RPRD1A: variants seen among roughly 807,000 people sequenced by gnomAD.
RPRD1A encodes the protein regulation of nuclear pre-mRNA domain containing 1A.
Under a neutral mutation model 37.8 loss-of-function variants are expected in RPRD1A, and 9 were observed. The ratio of observed to expected loss-of-function variants is 0.24; its 90% CI spans 0.14 to 0.42. The LOEUF (loss-of-function observed/expected upper bound fraction) is 0.42, where lower values mean the gene tolerates loss of function less well. Ranked by LOEUF, RPRD1A falls within the 10% of genes least tolerant of loss-of-function variation. The probability of loss-of-function intolerance (pLI) is 1.00; values close to 1 mark genes in which losing one functional copy is unlikely to be tolerated. For synonymous variants in RPRD1A, 138 were observed against 139.7 expected, an observed-to-expected ratio of 0.99 and a Z score of 0.08; for missense variants, 255 against 371.0, an observed-to-expected ratio of 0.69 and a Z score of 2.57.
intron 1 of RPRD1A, among the ~76,000 whole-genome samples, chr18:36,055,590 A>C (rs1323182725): frequency 6.6e-6 from 1 of 152,198 alleles, no homozygotes; most frequent in African/African-American, 2.4e-5. Context: ...TCTCAGCCTG[A>C]CATTTGCCAT....
chr18:36,064,329 T>C (rs2088976581), intron 1 of RPRD1A: 1 of 152,538 alleles, frequency 6.6e-6, no homozygotes, highest in East Asian at 1.9e-4. Context: ...GAGCTCCCTC[T>C]GGGCTGCTAG....
intron 6 of RPRD1A, chr18:36,025,424 G>A (rs1196661360): frequency 2.4e-5 from 8 of 327,082 alleles, no homozygotes; most frequent in African/African-American, 6.5e-5. Context: ...GGCACTGGGG[G>A]AAAAGGGGGT....
In RPRD1A at chr18:36,031,018, C is replaced by T. The variant is rs758378117; in HGVS notation, c.361G>A (p.Val121Ile). The change falls in exon 3 of 7, where the codon GTA (valine) becomes ATA (isoleucine). Residue 121 changes from valine (V) to isoleucine (I), a missense_variant. Val to Ile is a conservative substitution (Grantham distance 29). Around this residue, in one of 2 missense-constraint regions of RPRD1A, gnomAD observed 211 missense variants for 268.9 expected, o/e 0.78. Transcript: ENST00000399022. Reference protein sequence around the residue: ...WEERSVYENDVLEQLKQALYG... With the variant: ...WEERSVYENDILEQLKQALYG... ...AGAGCTTGTTTAAGTTGTTCTAATA[C>T]ATCATTTTCATAAACAGACCTTTCT... is the stretch of plus-strand genomic sequence containing the variant. The T allele has an allele frequency of 6.3e-6, 10 of 1,598,568 alleles. No individual in the cohort carries two copies. The highest frequency in any genetic ancestry group is 1.1e-5 in the South Asian group (1 of 87,418).
chr18:36,041,193 T>A (rs1454431656), intron 1 of RPRD1A, among the ~76,000 whole-genome samples: 1 of 152,208 alleles, frequency 6.6e-6, no homozygotes, highest in Non-Finnish European at 1.5e-5. Context: ...TAAACATTTT[T>A]AAAAATCATA....
chr18:36,011,605 AATTAT>A (rs1910183972), intron 6 of RPRD1A, among the ~76,000 whole-genome samples: 1 of 152,132 alleles, frequency 6.6e-6, no homozygotes, highest in African/African-American at 2.4e-5. Context: ...TTTAAAAACT[AATTAT>A]ATAAGAACCT....
chr18:36,055,144 C>G (rs1380697024), intron 1 of RPRD1A, among the ~76,000 whole-genome samples: 1 of 152,178 alleles, frequency 6.6e-6, no homozygotes, highest in Non-Finnish European at 1.5e-5. Context: ...AAGATAATAC[C>G]TCATGATATT....
At chr18:36,031,330 A>G (rs930715024) in intron 2 of RPRD1A, among the ~76,000 whole-genome samples, 4 of 151,364 alleles carry the variant, frequency 2.6e-5, no homozygotes, top group Non-Finnish European at 4.4e-5. Flanking sequence ...AACCAAAAAA[A>G]GTTTAAACTG....
intron 1 of RPRD1A, among the ~76,000 whole-genome samples, chr18:36,041,818 C>G (rs1912603641): frequency 6.6e-6 from 1 of 152,258 alleles, no homozygotes; most frequent in Non-Finnish European, 1.5e-5. Flanking sequence ...TGGATTCTAT[C>G]TGTCCCAGAC....
In RPRD1A at chr18:35,992,419, A is replaced by G. The variant is rs552805367; in HGVS notation, c.*732T>C. 3 of 152,344 alleles carry G rather than the reference A, an allele frequency of 2.0e-5. No homozygotes were observed. The highest frequency in any genetic ancestry group is 1.9e-4 in the East Asian group (1 of 5,192). 9.4% of individuals were successfully genotyped at this position (152,344 alleles called of 1,614,324 possible). A position where few individuals can be genotyped will look rare whatever the true frequency, so the allele number is the denominator to read the frequency against. On this transcript the variant is annotated 3_prime_UTR_variant, in exon 7 of 7. Transcript: ENST00000399022. ...TCCTCTTGGTAGAATGTCAAAATGT[A>G]TATTATTTCCAAAGTATTTTCATTA... is the stretch of plus-strand genomic sequence containing the variant.
At chr18:36,045,310 T>A (rs1912876411) in intron 1 of RPRD1A, among the ~76,000 whole-genome samples, 1 of 152,126 alleles carries the variant, frequency 6.6e-6, no homozygotes, top group Admixed American at 6.6e-5. Context: ...GGGAAAAAAT[T>A]ACCCTGCTTT....
intron 6 of RPRD1A, among the ~76,000 whole-genome samples, chr18:35,996,152 A>G (rs1393680814): frequency 7.2e-5 from 11 of 152,250 alleles, no homozygotes; most frequent in African/African-American, 2.2e-4. Flanking sequence ...TGACAAATGT[A>G]TCATACTAAT....
intron 6 of RPRD1A, among the ~76,000 whole-genome samples, chr18:36,022,655 G>C (rs1911070973): frequency 6.6e-6 from 1 of 152,200 alleles, no homozygotes; most frequent in Non-Finnish European, 1.5e-5. Context: ...TAAGCCAACT[G>C]TTGAGACCTG....
At chr18:36,036,349 C>CT (rs1332613260) in intron 1 of RPRD1A, among the ~76,000 whole-genome samples, 1 of 152,182 alleles carries the variant, frequency 6.6e-6, no homozygotes, top group African/African-American at 2.4e-5. Flanking sequence ...GCTGGGATTA[C>CT]TGGTGTGAGC....
intron 6 of RPRD1A, among the ~76,000 whole-genome samples, chr18:36,017,412 T>C (rs1910664542): frequency 6.6e-6 from 1 of 152,164 alleles, no homozygotes; most frequent in Admixed American, 6.5e-5. Flanking sequence ...CTAATCTCTC[T>C]CCAATCTAAT....
chr18:36,019,377 G>C (rs1910835104), intron 6 of RPRD1A, among the ~76,000 whole-genome samples: 1 of 152,058 alleles, frequency 6.6e-6, no homozygotes, highest in Admixed American at 6.5e-5. Context: ...AAAGTGCTGG[G>C]ATTACAGGCA....
At chr18:36,045,194 C>T (rs988938905) in intron 1 of RPRD1A, among the ~76,000 whole-genome samples, 3 of 151,918 alleles carry the variant, frequency 2.0e-5, no homozygotes, top group African/African-American at 7.3e-5. Context: ...GAGCCAAGAT[C>T]GCACCACTGC....
intron 1 of RPRD1A, among the ~76,000 whole-genome samples, chr18:36,035,741 TA>T (rs1190097483): frequency 2.0e-5 from 3 of 152,302 alleles, no homozygotes; most frequent in African/African-American, 7.2e-5. Context: ...ATATATTCAA[TA>T]AAGTATTATT....
chr18:36,057,255 T>A (rs551574969), intron 1 of RPRD1A, among the ~76,000 whole-genome samples: 118 of 149,938 alleles, frequency 7.9e-4, no homozygotes, highest in Non-Finnish European at 1.3e-3. Context: ...TATATATATA[T>A]CACACACACA....
At chr18:36,036,578 C>A (rs1438755286) in intron 1 of RPRD1A, among the ~76,000 whole-genome samples, 2 of 152,004 alleles carry the variant, frequency 1.3e-5, no homozygotes, top group African/African-American at 2.4e-5. Flanking sequence ...TAGGACCAAG[C>A]AAAAATATGA....
Sources: allele counts gnomAD v4.1 joint callset (sites outside exome capture counted in the v4.1 genomes callset), GRCh38; gene constraint gnomAD v4.1.1; regional missense constraint gnomAD v4.1.1; transcripts MANE v1.5; gene names NCBI Gene and HGNC (gene_info 2026-07-23, HGNC 2026-07-21).